Variants in SPOCK3 observed in about 807,000 individuals in gnomAD.
SPOCK3 encodes the protein SPARC (osteonectin), cwcv and kazal like domains proteoglycan 3, also known as testican-3.
In SPOCK3, 30 loss-of-function variants were observed where a neutral mutation model predicts 56.6. The observed-to-expected ratio is 0.53, with a 90% CI of 0.40 to 0.72. The LOEUF (loss-of-function observed/expected upper bound fraction) is 0.72. SPOCK3 is among the 30% of genes least tolerant of loss of function. SPOCK3 has a pLI of 0.00. For synonymous variants in SPOCK3, 196 were observed against 183.3 expected, an observed-to-expected ratio of 1.07 and a Z score of -0.56; for missense variants, 527 against 530.0, an observed-to-expected ratio of 0.99 and a Z score of 0.06.
At chr4:166,746,839 G>A (rs1735680110) in intron 8 of SPOCK3, among the ~76,000 whole-genome samples, 2 of 152,066 alleles carry the variant, frequency 1.3e-5, no homozygotes, top group Admixed American at 1.3e-4. Flanking sequence ...ACTACCATCA[G>A]AGAATACTGT....
At chr4:167,205,513 ATATATT>A (rs1734164107) in intron 2 of SPOCK3, among the ~76,000 whole-genome samples, 3 of 54,550 alleles carry the variant, frequency 5.5e-5, no homozygotes, top group Admixed American at 7.3e-4. Context: ...ATTATATAAT[ATATATT>A]ATATATATTA....
At chr4:167,002,792 A>C (rs1453363197) in intron 3 of SPOCK3, among the ~76,000 whole-genome samples, 2 of 152,200 alleles carry the variant, frequency 1.3e-5, no homozygotes, top group Non-Finnish European at 2.9e-5. Flanking sequence ...ACACACTATA[A>C]CTTAGAAGAC....
intron 2 of SPOCK3, among the ~76,000 whole-genome samples, chr4:167,210,844 T>C (rs1046523439): frequency 6.6e-6 from 1 of 152,142 alleles, no homozygotes; most frequent in Non-Finnish European, 1.5e-5. Context: ...TCTCTCTCTA[T>C]ATATATGCAA....
chr4:167,013,785 G>A (rs149214574), intron 3 of SPOCK3, among the ~76,000 whole-genome samples: 10 of 151,996 alleles, frequency 6.6e-5, no homozygotes, highest in East Asian at 1.9e-4. Context: ...AATGTTTATC[G>A]GTAGTTCCTT....
At chr4:167,042,020 T>C (rs1190532820) in intron 3 of SPOCK3, among the ~76,000 whole-genome samples, 3 of 152,196 alleles carry the variant, frequency 2.0e-5, no homozygotes, top group Non-Finnish European at 4.4e-5. Flanking sequence ...TAAAAGTATA[T>C]TCAAAATTCC....
At chr4:166,909,087 A>C (rs1736964502) in intron 5 of SPOCK3, among the ~76,000 whole-genome samples, 1 of 152,120 alleles carries the variant, frequency 6.6e-6, no homozygotes, top group Non-Finnish European at 1.5e-5. Flanking sequence ...AATGTTCCAA[A>C]AATACTTTTT....
intron 2 of SPOCK3, among the ~76,000 whole-genome samples, chr4:167,127,882 G>A (rs1481514477): frequency 1.3e-5 from 2 of 152,244 alleles, no homozygotes; most frequent in South Asian, 2.1e-4. Context: ...GAGGTATAAC[G>A]AAATTATCAA....
intron 6 of SPOCK3, among the ~76,000 whole-genome samples, chr4:166,863,884 A>G (rs566480363): frequency 1.3e-5 from 2 of 152,248 alleles, no homozygotes; most frequent in African/African-American, 4.8e-5. Context: ...AATGAGGCAG[A>G]AAATTAAGTA....
intron 2 of SPOCK3, among the ~76,000 whole-genome samples, chr4:167,194,453 GTTTACTTGTGTGGTGTCATGT>G (rs1732749686): frequency 6.6e-6 from 1 of 152,118 alleles, no homozygotes; most frequent in Non-Finnish European, 1.5e-5. Context: ...AGCTTTATTA[GTTTACTTGTGTGGTGTCATGT>G]TTTACTTGTG....
chr4:166,904,725 G>T (rs1273713469), intron 5 of SPOCK3, among the ~76,000 whole-genome samples: 1 of 151,888 alleles, frequency 6.6e-6, no homozygotes, highest in African/African-American at 2.4e-5. Flanking sequence ...GAAAAATAGG[G>T]AGGATAAAAA....
chr4:167,205,505 TATA>T (rs1734158297), intron 2 of SPOCK3, among the ~76,000 whole-genome samples: 1 of 54,258 alleles, frequency 1.8e-5, no homozygotes, highest in African/African-American at 8.3e-5. Context: ...TAATATATAT[TATA>T]TAATATATAT....
At chr4:166,796,622 A>C (rs1741965914) in intron 6 of SPOCK3, among the ~76,000 whole-genome samples, 1 of 152,128 alleles carries the variant, frequency 6.6e-6, no homozygotes, top group Non-Finnish European at 1.5e-5. Context: ...AAATTCAGTA[A>C]ATTTAGTTCA....
At chr4:166,959,581 C>T (rs962705937) in intron 4 of SPOCK3, among the ~76,000 whole-genome samples, 2 of 150,566 alleles carry the variant, frequency 1.3e-5, no homozygotes, top group African/African-American at 4.9e-5. Flanking sequence ...CATTGCACTC[C>T]AGCCTGGGCA....
intron 4 of SPOCK3, among the ~76,000 whole-genome samples, chr4:166,933,985 G>A (rs1740085712): frequency 6.6e-6 from 1 of 152,090 alleles, no homozygotes; most frequent in Admixed American, 6.6e-5. Context: ...CTGTGACCCA[G>A]GAGTGTTTTA....
chr4:166,823,586 A>T (rs1745156650), intron 6 of SPOCK3, among the ~76,000 whole-genome samples: 1 of 152,136 alleles, frequency 6.6e-6, no homozygotes, highest in East Asian at 1.9e-4. Context: ...GAACACTGGC[A>T]GCAGCACTGT....
At chr4:167,083,186 C>T in intron 2 of SPOCK3, 1 of 764,972 alleles carries the variant, frequency 1.3e-6, no homozygotes, top group Non-Finnish European at 2.4e-6. Flanking sequence ...ATTGAGATAG[C>T]TAGTCATAGA....
At chr4:166,949,864 A>G (rs1417906361) in intron 4 of SPOCK3, among the ~76,000 whole-genome samples, 1 of 151,976 alleles carries the variant, frequency 6.6e-6, no homozygotes, top group Non-Finnish European at 1.5e-5. Flanking sequence ...GAAATAAAAT[A>G]CTTTACAGAC....
At chr4:166,880,149 T>G (rs1453362595) in intron 6 of SPOCK3, among the ~76,000 whole-genome samples, 3 of 152,240 alleles carry the variant, frequency 2.0e-5, no homozygotes, top group African/African-American at 7.2e-5. Flanking sequence ...TTGTTCACTT[T>G]ATTTTATTGA....
intron 10 of SPOCK3, among the ~76,000 whole-genome samples, chr4:166,736,822 T>C (rs1275720628): frequency 1.3e-5 from 2 of 151,996 alleles, no homozygotes; most frequent in Non-Finnish European, 2.9e-5. Context: ...GAAGTACAAA[T>C]GGTACCACAA....
Sources: gnomAD v4.1 joint callset for allele counts (sites outside exome capture counted in the v4.1 genomes callset) on GRCh38, gnomAD v4.1.1 for gene constraint, MANE v1.5 for transcripts, NCBI Gene and HGNC (gene_info 2026-07-23, HGNC 2026-07-21) for gene names.